SMARCA2: variants seen among roughly 807,000 people sequenced by gnomAD.
The protein encoded by SMARCA2 is SWI/SNF-related matrix-associated actin-dependent regulator of chromatin subfamily A member 2.
Under a neutral mutation model 199.8 loss-of-function variants are expected in SMARCA2, and 61 were observed. That is an observed-to-expected ratio of 0.31 (90% CI 0.25 to 0.38). The LOEUF (loss-of-function observed/expected upper bound fraction) is 0.38. Ranked by LOEUF, SMARCA2 falls within the 10% of genes least tolerant of loss-of-function variation. The pLI is 1.00. For synonymous variants in SMARCA2, 935 were observed against 732.0 expected (o/e 1.28, Z -4.48); for missense variants, 1,344 against 2,012.2 (o/e 0.67, Z 6.35).
chr9:2,061,056 G>T, intron 9 of SMARCA2, 70 bp downstream of exon 9: 1 of 1,411,164 alleles, frequency 7.1e-7, no homozygotes, highest in Non-Finnish European at 9.7e-7. Flanking sequence ...GGCGAGTATT[G>T]CTCTTTAAGT....
At chr9:2,088,660 A>G (rs752844811) in intron 19 of SMARCA2, 47 bp downstream of exon 19, 2 of 1,301,636 alleles carry the variant, frequency 1.5e-6, no homozygotes, top group South Asian at 2.6e-5. Flanking sequence ...TCCTCCAGCA[A>G]ATATATTTGA....
At chr9:2,160,845 C>A (rs1586771626) in intron 27 of SMARCA2, 2 of 387,254 alleles carry the variant, frequency 5.2e-6, no homozygotes, top group East Asian at 7.4e-5. Context: ...GTATTTTTCC[C>A]CTTTATTTTT....
chr9:2,015,469 C>T (rs902445080), intron 1 of SMARCA2, 65 bp downstream of exon 1: 1 of 152,988 alleles, frequency 6.5e-6, no homozygotes, highest in Admixed American at 6.5e-5. Context: ...CTGCAGCCGC[C>T]GCTCAGACCC....
intron 29 of SMARCA2, among the ~76,000 whole-genome samples, chr9:2,171,474 C>T (rs1014005674): frequency 1.3e-5 from 2 of 152,152 alleles, no homozygotes; most frequent in Admixed American, 1.3e-4. Context: ...TTATACTTAT[C>T]CATTTTTGTG....
chr9:2,104,255 GA>G lies in SMARCA2; in HGVS notation c.3292+88del. The G allele has an allele frequency of 8.0e-7, 1 of 1,249,746 alleles. No individual in the cohort carries two copies. Among genetic ancestry groups the G allele is most frequent in the African/African-American group, 1.5e-5 (1 of 66,442 alleles). 77.4% of individuals were successfully genotyped at this position (1,249,746 alleles called of 1,614,324 possible). On this transcript the variant is annotated intron_variant, in intron 23 of 33. Coordinates refer to ENST00000349721, the MANE Select transcript of SMARCA2 (RefSeq NM_003070.5). The surrounding 1 kb of genome is among the most constrained non-coding windows in gnomAD (Gnocchi z 4.0). Reference sequence around the variant, plus strand: ...ACTTAGGTCCAATCTCAGCCAAAAAGAAGGGGTAAAATTGAAGAATTGACTA... The same window carrying G: ...ACTTAGGTCCAATCTCAGCCAAAAAGAGGGGTAAAATTGAAGAATTGACTA...
chr9:2,108,052 T>A (rs985714992), intron 23 of SMARCA2, among the ~76,000 whole-genome samples: 2 of 152,166 alleles, frequency 1.3e-5, no homozygotes, highest in African/African-American at 4.8e-5. Flanking sequence ...TACACAGGCA[T>A]AGCCAGGGTT....
chr9:2,129,966 A>G (rs1386492608), intron 27 of SMARCA2, among the ~76,000 whole-genome samples: 1 of 151,998 alleles, frequency 6.6e-6, no homozygotes, highest in South Asian at 2.1e-4. Flanking sequence ...CAATCCTCCT[A>G]CCTCAGCCTC....
At chr9:2,134,575 A>G (rs187579299) in intron 27 of SMARCA2, among the ~76,000 whole-genome samples, 1 of 152,316 alleles carries the variant, frequency 6.6e-6, no homozygotes, top group African/African-American at 2.4e-5. Context: ...CAATGGGGCT[A>G]GCAGTCAGGA....
intron 19 of SMARCA2, among the ~76,000 whole-genome samples, chr9:2,096,212 C>T (rs1331488794): frequency 6.6e-6 from 1 of 152,146 alleles, no homozygotes; most frequent in Non-Finnish European, 1.5e-5. Flanking sequence ...CCACATGTGA[C>T]CATTTAAAAA....
intron 14 of SMARCA2, among the ~76,000 whole-genome samples, chr9:2,078,569 C>G (rs929434012): frequency 8.5e-5 from 13 of 152,156 alleles, no homozygotes; most frequent in Non-Finnish European, 1.9e-4. Flanking sequence ...GGCTAATTCC[C>G]TGTGTTCTAC....
intron 29 of SMARCA2, among the ~76,000 whole-genome samples, chr9:2,176,491 TG>T (rs753719028): frequency 2.6e-5 from 4 of 151,772 alleles, no homozygotes; most frequent in Non-Finnish European, 5.9e-5. Flanking sequence ...CAGGGAACTT[TG>T]TTTGTCTTGG....
chr9:2,048,569 A>C (rs1819982557), intron 5 of SMARCA2, among the ~76,000 whole-genome samples: 1 of 152,204 alleles, frequency 6.6e-6, no homozygotes. Context: ...CTTTATTGAA[A>C]AGCACATCAC....
At chr9:2,109,332 G>GT (rs1218802811) in intron 23 of SMARCA2, among the ~76,000 whole-genome samples, 16 of 148,894 alleles carry the variant, frequency 1.1e-4, no homozygotes, top group African/African-American at 2.0e-4. Context: ...GAATACTGGT[G>GT]TTTTTTTTTT....
rs1826168439 is a variant in SMARCA2, at chr9:2,170,160, A to G, written c.4200-259A>G. Among the ~76,000 whole-genome samples the G allele has an allele frequency of 6.6e-6, 1 of 152,226 alleles. No homozygotes were observed. Among genetic ancestry groups the G allele is most frequent in the Admixed American group, 6.5e-5 (1 of 15,286 alleles). ...GTGAATGGAACATGTAAGAGGGAACAGGGTAACAGGAATTTCTGTGTGTGA... is the reference window on the plus strand; with the variant it reads ...GTGAATGGAACATGTAAGAGGGAACGGGGTAACAGGAATTTCTGTGTGTGA... On this transcript the variant is annotated intron_variant, in intron 28 of 33. Coordinates refer to ENST00000349721, the MANE Select transcript of SMARCA2 (RefSeq NM_003070.5). The surrounding 1 kb of genome is among the most constrained non-coding windows in gnomAD (Gnocchi z 4.7).
At chr9:2,101,505 A>G (rs1563768971) in intron 21 of SMARCA2, 65 bp from the exon 22 acceptor site, 1 of 844,858 alleles carries the variant, frequency 1.2e-6, no homozygotes, top group Non-Finnish European at 1.8e-6. Flanking sequence ...CCTCACTAAA[A>G]GAGTAATCAT....
In SMARCA2 at chr9:2,039,542, T is replaced by C. The variant is rs775121008; in HGVS notation, c.432T>C (p.Thr144=). 2 of 1,614,060 alleles carry C rather than the reference T, an allele frequency of 1.2e-6. No homozygotes were observed. Among genetic ancestry groups the C allele is most frequent in the Admixed American group, 1.7e-5 (1 of 60,000 alleles). The stretch of plus-strand genomic sequence containing the variant: ...GCCCTATGTCTGGAGGAGGCCCAAC[T>C]CCACCTCAGATGCCACCAAGCCAGC... ...VSSPMSGGGP[T]PPQMPPSQPG... The change falls in exon 4 of 34, where the codon ACT becomes ACC. Residue 144 remains threonine (T), a synonymous_variant. Transcript: ENST00000349721. This position sits in a 1 kb window ranked among gnomAD's most constrained non-coding sequence, Gnocchi z 4.8.
At chr9:2,171,174 A>G (rs556535666) in intron 29 of SMARCA2, among the ~76,000 whole-genome samples, 2 of 152,350 alleles carry the variant, frequency 1.3e-5, no homozygotes, top group Admixed American at 1.3e-4. Flanking sequence ...TGTGCATGAT[A>G]CGCCAAGGCT....
chr9:2,139,546 C>A (rs767152276), intron 27 of SMARCA2, among the ~76,000 whole-genome samples: 1 of 152,126 alleles, frequency 6.6e-6, no homozygotes, highest in Non-Finnish European at 1.5e-5. Context: ...ATTAATAAGT[C>A]CAGCATAGGG....
intron 29 of SMARCA2, among the ~76,000 whole-genome samples, chr9:2,175,314 C>CT (rs534312120): frequency 2.7e-5 from 4 of 149,764 alleles, no homozygotes; most frequent in African/African-American, 2.5e-5. Flanking sequence ...CCCGCCCCCC[C>CT]CCAACAATAC....
Sources: allele counts gnomAD v4.1 joint callset (sites outside exome capture counted in the v4.1 genomes callset), GRCh38; gene constraint gnomAD v4.1.1; non-coding constraint Gnocchi (gnomAD v3.1); transcripts MANE v1.5; gene names NCBI Gene and HGNC (gene_info 2026-07-23, HGNC 2026-07-21).